AGBL4: variants seen among roughly 807,000 people sequenced by gnomAD.
The protein encoded by AGBL4 is cytosolic carboxypeptidase 6.
A neutral mutation model predicts 66.4 loss-of-function variants in AGBL4; 58 were observed. That is an observed-to-expected ratio of 0.87 (90% CI 0.71 to 1.09). The LOEUF is 1.09. Ranked by LOEUF, AGBL4 falls within the 50% of genes least tolerant of loss-of-function variation. AGBL4 has a pLI of 0.00. For missense variants in AGBL4, 579 were observed against 631.0 expected (o/e 0.92, Z 0.88); for synonymous variants, 234 against 222.9 (o/e 1.05, Z -0.44).
chr1:48,785,394 T>C (rs896250089), intron 6 of AGBL4, among the ~76,000 whole-genome samples: 2 of 152,120 alleles, frequency 1.3e-5, no homozygotes, highest in Non-Finnish European at 2.9e-5. Flanking sequence ...TACCCAGAGA[T>C]GAGAGGCAAC....
At chr1:49,013,632 C>T (rs1662610158) in intron 5 of AGBL4, among the ~76,000 whole-genome samples, 1 of 152,152 alleles carries the variant, frequency 6.6e-6, no homozygotes, top group Admixed American at 6.5e-5. Flanking sequence ...CCCACCTCTT[C>T]TGTATTCTAT....
chr1:49,570,246 G>C (rs1644299918), intron 3 of AGBL4, among the ~76,000 whole-genome samples: 1 of 151,924 alleles, frequency 6.6e-6, no homozygotes, highest in Admixed American at 6.6e-5. Context: ...AACATCTGTT[G>C]CTGACTTTTT....
chr1:49,666,340 G>A (rs1309771983), intron 3 of AGBL4, among the ~76,000 whole-genome samples: 1 of 152,068 alleles, frequency 6.6e-6, no homozygotes, highest in Non-Finnish European at 1.5e-5. Context: ...CCAAGCGGGT[G>A]GATCATTTGA....
intron 2 of AGBL4, among the ~76,000 whole-genome samples, chr1:49,796,174 GTTTAAC>G (rs1380251925): frequency 4.0e-5 from 6 of 151,838 alleles, no homozygotes; most frequent in Non-Finnish European, 7.4e-5. Flanking sequence ...ATTAAAATAA[GTTTAAC>G]TTTAACAATG....
At chr1:48,574,633 G>T (rs1334696736) in intron 11 of AGBL4, among the ~76,000 whole-genome samples, 1 of 149,788 alleles carries the variant, frequency 6.7e-6, no homozygotes, top group Non-Finnish European at 1.5e-5. Context: ...TGAGAGCAGT[G>T]GTCCTGACCT....
At chr1:48,633,609 G>A (rs760909164) in intron 9 of AGBL4, among the ~76,000 whole-genome samples, 2 of 152,130 alleles carry the variant, frequency 1.3e-5, no homozygotes, top group Non-Finnish European at 2.9e-5. Flanking sequence ...CCATTCTTAG[G>A]CAGCTATAGT....
At chr1:49,877,532 T>A (rs901654283) in intron 1 of AGBL4, among the ~76,000 whole-genome samples, 2 of 151,448 alleles carry the variant, frequency 1.3e-5, no homozygotes, top group African/African-American at 4.8e-5. Context: ...GTGGATAAGC[T>A]TTTTGATGGG....
chr1:49,666,690 C>A (rs549893565), intron 3 of AGBL4, among the ~76,000 whole-genome samples: 2 of 151,854 alleles, frequency 1.3e-5, no homozygotes, highest in Non-Finnish European at 2.9e-5. Flanking sequence ...TAGATGAGAG[C>A]TAAAATTTAT....
At chr1:49,628,448 T>C (rs570841964) in intron 3 of AGBL4, among the ~76,000 whole-genome samples, 1 of 152,290 alleles carries the variant, frequency 6.6e-6, no homozygotes, top group South Asian at 2.1e-4. Context: ...GATCTTATGC[T>C]TTCTTCTTTG....
intron 5 of AGBL4, among the ~76,000 whole-genome samples, chr1:48,876,634 G>A (rs1378911048): frequency 6.6e-6 from 1 of 152,144 alleles, no homozygotes; most frequent in Non-Finnish European, 1.5e-5. Context: ...TCATGTTACA[G>A]TTAGGTGCTT....
intron 11 of AGBL4, among the ~76,000 whole-genome samples, chr1:48,562,193 A>G (rs1242833870): frequency 6.6e-6 from 1 of 152,142 alleles, no homozygotes; most frequent in African/African-American, 2.4e-5. Flanking sequence ...TTCATTTCCT[A>G]TATTCTTGGC....
At chr1:49,134,389 T>C (rs1645963126) in intron 4 of AGBL4, among the ~76,000 whole-genome samples, 1 of 151,732 alleles carries the variant, frequency 6.6e-6, no homozygotes. Flanking sequence ...CTAGCAAGCC[T>C]GGGGGCACTG....
At chr1:49,156,182 C>T (rs770411160) in intron 4 of AGBL4, among the ~76,000 whole-genome samples, 1 of 152,166 alleles carries the variant, frequency 6.6e-6, no homozygotes, top group Non-Finnish European at 1.5e-5. Context: ...ACGGTAACAG[C>T]TCCCTATCTT....
At position 49,939,307 on chromosome 1, in the gene AGBL4, C is replaced by T. The variant is rs533601165; in HGVS notation, c.34+84456G>A. Reference sequence around the variant, plus strand: ...GTAATTTATAGATTCAATGCCATCCCCATCAAGCTACCAATGACTTTCTTC... The same window carrying T: ...GTAATTTATAGATTCAATGCCATCCTCATCAAGCTACCAATGACTTTCTTC... On this transcript the variant is annotated intron_variant, in intron 1 of 13. Transcript: ENST00000371839. Among the ~76,000 whole-genome samples the T allele has an allele frequency of 2.0e-4, 30 of 151,448 alleles. No individual in the cohort carries two copies. In the South Asian group the frequency reaches 6.3e-3, roughly 32 times the overall value.
intron 2 of AGBL4, among the ~76,000 whole-genome samples, chr1:49,757,446 A>G (rs892692738): frequency 2.6e-5 from 4 of 152,230 alleles, no homozygotes; most frequent in Non-Finnish European, 4.4e-5. Flanking sequence ...GCTCAAAAGA[A>G]GACAGAAAAG....
At chr1:49,528,955 T>G (rs1482199141) in intron 3 of AGBL4, among the ~76,000 whole-genome samples, 2 of 152,072 alleles carry the variant, frequency 1.3e-5, no homozygotes, top group African/African-American at 4.8e-5. Flanking sequence ...TAAAAAGTCT[T>G]GTACATTAAG....
At chr1:49,573,326 G>T (rs964941439) in intron 3 of AGBL4, among the ~76,000 whole-genome samples, 7 of 151,970 alleles carry the variant, frequency 4.6e-5, no homozygotes, top group African/African-American at 1.7e-4. Flanking sequence ...TGCTTAATAT[G>T]GTTAGACACA....
intron 11 of AGBL4, among the ~76,000 whole-genome samples, chr1:48,551,555 G>A (rs1227266138): frequency 1.3e-5 from 2 of 152,008 alleles, no homozygotes; most frequent in African/African-American, 4.8e-5. Flanking sequence ...CAAAGGTAGG[G>A]AGAAAAAGCA....
At chr1:49,769,604 T>C (rs1357371389) in intron 2 of AGBL4, among the ~76,000 whole-genome samples, 2 of 152,066 alleles carry the variant, frequency 1.3e-5, no homozygotes, top group Non-Finnish European at 2.9e-5. Context: ...ATGGTAATGG[T>C]AGAAACACAG....
Sources: gnomAD v4.1 joint callset for allele counts (sites outside exome capture counted in the v4.1 genomes callset) on GRCh38, gnomAD v4.1.1 for gene constraint, MANE v1.5 for transcripts, NCBI Gene and HGNC (gene_info 2026-07-23, HGNC 2026-07-21) for gene names.